Variants in ANKS1B observed in about 807,000 individuals in gnomAD.
The protein encoded by ANKS1B is ankyrin repeat and sterile alpha motif domain containing 1B.
In ANKS1B, 36 loss-of-function variants were observed where a neutral mutation model predicts 148.3. The observed-to-expected ratio is 0.24, with a 90% CI of 0.19 to 0.32. ANKS1B has a LOEUF of 0.32. Ranked by LOEUF, ANKS1B falls within the 10% of genes least tolerant of loss-of-function variation. The pLI is 1.00. For synonymous variants in ANKS1B, 542 were observed against 560.8 expected, an observed-to-expected ratio of 0.97 and a Z score of 0.47; for missense variants, 1,157 against 1,542.6, an observed-to-expected ratio of 0.75 and a Z score of 4.19.
intron 1 of ANKS1B, among the ~76,000 whole-genome samples, chr12:99,872,070 A>T (rs2091584917): frequency 2.0e-5 from 3 of 152,168 alleles, no homozygotes; most frequent in Non-Finnish European, 4.4e-5. Context: ...CACAGATGGG[A>T]AAAAACATAT....
At chr12:98,804,803 CTTG>C (rs1026993567) in intron 20 of ANKS1B, among the ~76,000 whole-genome samples, 21 of 152,282 alleles carry the variant, frequency 1.4e-4, no homozygotes, top group African/African-American at 5.1e-4. Context: ...AGTGTTAGGT[CTTG>C]TTGACTAGTA....
At chr12:99,292,810 C>T (rs2080216050) in intron 12 of ANKS1B, among the ~76,000 whole-genome samples, 1 of 152,200 alleles carries the variant, frequency 6.6e-6, no homozygotes, top group East Asian at 1.9e-4. Flanking sequence ...GATACCATCT[C>T]ACACCAGTTA....
rs547374350 is a variant in ANKS1B at position 99,359,273 on chromosome 12, C to A, written c.1756+40358G>T. 2.8e-4 allele frequency among the ~76,000 whole-genome samples: 42 copies of A among 152,134 alleles called. No individual in the cohort carries two copies. The South Asian group carries it at 8.3e-3, about 30-fold the overall frequency. On this transcript the variant is annotated intron_variant, in intron 12 of 26. Transcript: ENST00000683438. ...CTACTACTTTTATATCTGGTATCTA[C>A]CCTTAATGTACATGTTAGCTCCCAT...
At chr12:98,861,788 C>T (rs2099600374) in intron 17 of ANKS1B, among the ~76,000 whole-genome samples, 2 of 152,172 alleles carry the variant, frequency 1.3e-5, no homozygotes. Context: ...GAGATGTGCT[C>T]AAGGTCACCC....
In ANKS1B at chr12:99,440,282, T is replaced by G. The variant is rs543897114; in HGVS notation, c.1575+3391A>C. Among the ~76,000 whole-genome samples, 4 of 152,014 alleles carry G rather than the reference T, an allele frequency of 2.6e-5. No homozygotes were observed. In the South Asian group the frequency reaches 8.3e-4, roughly 32 times the overall value. ...ATATACTTAAGATCTGTGTATTTGA[T>G]TCTTCAATTGTGAAAAACAAGATGT... On this transcript the variant is annotated intron_variant, in intron 11 of 26. Coordinates refer to ENST00000683438, the MANE Select transcript of ANKS1B (RefSeq NM_001352186.2).
chr12:99,283,413 C>T (rs1046300264), intron 12 of ANKS1B, among the ~76,000 whole-genome samples: 2 of 152,136 alleles, frequency 1.3e-5, no homozygotes, highest in South Asian at 2.1e-4. Flanking sequence ...AGTGATAGAG[C>T]TCACTGTTAT....
chr12:99,655,859 C>CT (rs1194738720), intron 8 of ANKS1B, among the ~76,000 whole-genome samples: 1 of 152,054 alleles, frequency 6.6e-6, no homozygotes, highest in African/African-American at 2.4e-5. Flanking sequence ...TGTTGAGTAA[C>CT]TTTTGGATAA....
chr12:98,837,009 G>T (rs2099367873), intron 17 of ANKS1B, among the ~76,000 whole-genome samples: 1 of 152,048 alleles, frequency 6.6e-6, no homozygotes, highest in African/African-American at 2.4e-5. Context: ...ATAAGAATGT[G>T]GCTCCAACTG....
At chr12:99,183,818 G>A (rs965811619) in intron 14 of ANKS1B, among the ~76,000 whole-genome samples, 4 of 152,086 alleles carry the variant, frequency 2.6e-5, no homozygotes, top group South Asian at 2.1e-4. Flanking sequence ...GACCTCATAT[G>A]GCCAAGGATT....
intron 12 of ANKS1B, among the ~76,000 whole-genome samples, chr12:99,383,049 A>G (rs1033748313): frequency 1.3e-5 from 2 of 152,112 alleles, no homozygotes; most frequent in Non-Finnish European, 2.9e-5. Flanking sequence ...CCTTTCCCAG[A>G]GATACAGCCT....
intron 17 of ANKS1B, among the ~76,000 whole-genome samples, chr12:99,046,182 C>A (rs1408667407): frequency 6.6e-6 from 1 of 152,070 alleles, no homozygotes; most frequent in Non-Finnish European, 1.5e-5. Context: ...CTCTGCCTTG[C>A]CTAACCTTAA....
rs1274796184 is a variant in ANKS1B, at chr12:99,471,846, C to G, written c.1439-28037G>C. 3.3e-5 allele frequency among the ~76,000 whole-genome samples: 5 copies of G among 152,066 alleles called. No individual in the cohort carries two copies. The East Asian group carries it at 9.6e-4, about 29-fold the overall frequency. ...CCTGCTGCCTTTCAAAAAAATCATT[C>G]TAATAAAAACAGAGATAAATTTACC... On this transcript the variant is annotated intron_variant, in intron 10 of 26. Transcript: ENST00000683438.
chr12:98,842,217 C>T (rs534710478), intron 17 of ANKS1B, among the ~76,000 whole-genome samples: 3 of 152,170 alleles, frequency 2.0e-5, no homozygotes, highest in Non-Finnish European at 4.4e-5. Flanking sequence ...ACAGTATATT[C>T]ATGCAACAAA....
At chr12:99,656,887 T>G (rs1448179755) in intron 8 of ANKS1B, among the ~76,000 whole-genome samples, 1 of 152,176 alleles carries the variant, frequency 6.6e-6, no homozygotes, top group East Asian at 1.9e-4. Context: ...CATATTGGAT[T>G]GTAAATAGCA....
At chr12:99,215,569 C>G (rs893078925) in intron 14 of ANKS1B, among the ~76,000 whole-genome samples, 19 of 152,210 alleles carry the variant, frequency 1.2e-4, no homozygotes, top group Admixed American at 1.2e-3. Context: ...GGGAGCCCAC[C>G]TCTTGTATCA....
chr12:99,614,021 T>A (rs957204335), intron 9 of ANKS1B, among the ~76,000 whole-genome samples: 1 of 152,070 alleles, frequency 6.6e-6, no homozygotes, highest in Non-Finnish European at 1.5e-5. Context: ...ATTCCTAATT[T>A]TTTTTTTCAC....
intron 15 of ANKS1B, among the ~76,000 whole-genome samples, chr12:99,142,458 G>C (rs1012761265): frequency 3.3e-5 from 5 of 152,010 alleles, no homozygotes; most frequent in African/African-American, 1.2e-4. Flanking sequence ...TAAGTGGATA[G>C]TGTCTAGAGC....
rs144942492 is a variant in ANKS1B, at chr12:99,454,776, C to G, written c.1439-10967G>C. 5.7e-4 allele frequency among the ~76,000 whole-genome samples: 87 copies of G among 152,250 alleles called. 2 individuals carry two copies. The East Asian group carries it at 0.016, about 29-fold the overall frequency. ...AGGAGTCTTGTAGAATTTTACCTTC[C>G]TCCTCCCAGGATGATGCCAAGAATG... On this transcript the variant is annotated intron_variant, in intron 10 of 26. Transcript: ENST00000683438.
chr12:98,955,055 G>A (rs1003639460), intron 17 of ANKS1B, among the ~76,000 whole-genome samples: 1 of 151,858 alleles, frequency 6.6e-6, no homozygotes, highest in African/African-American at 2.4e-5. Flanking sequence ...TATTATATAT[G>A]CTGGGGATAA....
Sources: allele counts gnomAD v4.1 joint callset (sites outside exome capture counted in the v4.1 genomes callset), GRCh38; gene constraint gnomAD v4.1.1; transcripts MANE v1.5; gene names NCBI Gene and HGNC (gene_info 2026-07-23, HGNC 2026-07-21).